Variants in DCUN1D4 observed in about 807,000 individuals in gnomAD.
DCUN1D4 encodes DCN1-like protein 4.
Under a neutral mutation model 47.9 loss-of-function variants are expected in DCUN1D4, and 22 were observed. The observed-to-expected ratio is 0.46, with a 90% CI of 0.33 to 0.66. The LOEUF (loss-of-function observed/expected upper bound fraction) is 0.66. Among genes scored for constraint, DCUN1D4 ranks in the 30% least tolerant of loss-of-function variants. The probability of loss-of-function intolerance (pLI) is 0.02; values close to 1 mark genes in which losing one functional copy is unlikely to be tolerated. For synonymous variants in DCUN1D4, 121 were observed against 112.2 expected (o/e 1.08, Z -0.50); for missense variants, 301 against 340.8 (o/e 0.88, Z 0.92).
At chr4:51,834,076 CTCTCTCTCTCT>C in the DCUN1D4 span, among the ~76,000 whole-genome samples, 11 of 97,760 alleles carry the variant, frequency 1.1e-4, no homozygotes, top group South Asian at 3.7e-4. Context: ...CTCTCTCTCT[CTCTCTCTCTCT>C]TTTCTTTTCT....
At position 51,860,594 on chromosome 4, in the gene DCUN1D4, C is replaced by A. The variant is rs574784956; in HGVS notation, c.26-2843C>A. On this transcript the variant is annotated intron_variant, in intron 1 of 10. Transcript: ENST00000334635. ...TCTGCTTGGCTTCTAGAGAGTCTTA[C>A]AATCGTGGAGGAAGGTGAATGGAGA... 191 of 455,420 alleles carry A rather than the reference C, an allele frequency of 4.2e-4. 2 individuals are homozygous for A. Among genetic ancestry groups the A allele is most frequent in the South Asian group, 2.5e-3 (159 of 64,516 alleles). The allele number at this position is 455,420 out of a possible 1,614,324, so 28.2% of individuals were successfully genotyped here.
chr4:51,888,742 A>C (rs1729947946), intron 6 of DCUN1D4, among the ~76,000 whole-genome samples: 1 of 151,658 alleles, frequency 6.6e-6, no homozygotes, highest in African/African-American at 2.4e-5. Context: ...AAAAAAAAAA[A>C]ACTCCATTTC....
At chr4:51,876,528 C>A (rs1157167300) in intron 4 of DCUN1D4, among the ~76,000 whole-genome samples, 2 of 152,060 alleles carry the variant, frequency 1.3e-5, no homozygotes, top group African/African-American at 4.8e-5. Flanking sequence ...ATGTAACAAA[C>A]CTGCACGTTG....
intron 5 of DCUN1D4, among the ~76,000 whole-genome samples, chr4:51,879,718 C>T (rs766063189): frequency 7.9e-5 from 12 of 152,184 alleles, no homozygotes; most frequent in African/African-American, 2.9e-4. Flanking sequence ...TCTTGCTTTC[C>T]TATATTGATT....
intron 4 of DCUN1D4, 63 bp from the exon 5 acceptor site, chr4:51,877,700 T>G: frequency 1.0e-6 from 1 of 983,386 alleles, no homozygotes; most frequent in East Asian, 2.4e-5. Context: ...GAATATAAAT[T>G]ATCTGCTACT....
chr4:51,865,424 C>T (rs1250224981), intron 3 of DCUN1D4: 1 of 156,454 alleles, frequency 6.4e-6, no homozygotes, highest in Non-Finnish European at 1.4e-5. Flanking sequence ...ACCCTCAGGT[C>T]AGGCCGTGGT....
rs539346327 is a variant in DCUN1D4, at chr4:51,888,278, A to G, written c.414+1640A>G. ...CTGGTATGTGAGGGATTAGCTGAGC[A>G]TTTAGTCTCAGAGGCAGAAAAGCCT... On this transcript the variant is annotated intron_variant, in intron 6 of 10. Coordinates refer to ENST00000334635, the MANE Select transcript of DCUN1D4 (RefSeq NM_001040402.3). 9.2e-5 allele frequency among the ~76,000 whole-genome samples: 14 copies of G among 152,276 alleles called. No homozygotes were observed. The South Asian group carries it at 2.3e-3, about 25-fold the overall frequency.
chr4:51,898,305 G>A lies in DCUN1D4; in HGVS notation c.507-965G>A, dbSNP rs571671479. 3.3e-4 allele frequency among the ~76,000 whole-genome samples: 51 copies of A among 152,300 alleles called. No individual in the cohort carries two copies. In the South Asian group the frequency reaches 0.01, roughly 31 times the overall value. ...TTCCCTGGATGTCAGATTGGTATGT[G>A]TGGATGTCACTCAGTCATAGTCAGG... On this transcript the variant is annotated intron_variant, in intron 7 of 10. Coordinates refer to ENST00000334635, the MANE Select transcript of DCUN1D4 (RefSeq NM_001040402.3).
chr4:51,859,637 G>GAAAAA, intron 1 of DCUN1D4, among the ~76,000 whole-genome samples: 1 of 602 alleles, frequency 1.7e-3, no homozygotes, highest in Non-Finnish European at 3.2e-3. Flanking sequence ...GTTAAAACAA[G>GAAAAA]CAAAAAAAAA....
At chr4:51,910,958 A>C (rs886202629) in intron 8 of DCUN1D4, 112 bp from the exon 9 acceptor site, 1 of 1,046,926 alleles carries the variant, frequency 9.6e-7, no homozygotes, top group Middle Eastern at 2.0e-4. Flanking sequence ...TTTAAGGTGT[A>C]TGATAAATGA....
intron 7 of DCUN1D4, among the ~76,000 whole-genome samples, chr4:51,893,410 TTTTTCTTTTC>T (rs374096991): frequency 8.6e-5 from 13 of 151,648 alleles, no homozygotes; most frequent in Non-Finnish European, 8.8e-5. Context: ...CATTGCTTCC[TTTTTCTTTTC>T]TTTTCTTTTC....
chr4:51,843,263 T>C lies in DCUN1D4; in HGVS notation c.21T>C (p.Ala7=). 6.5e-7 allele frequency: 1 copy of C among 1,541,632 alleles called. No individual in the cohort carries two copies. Among genetic ancestry groups the C allele is most frequent in the African/African-American group, 1.4e-5 (1 of 72,196 alleles). Residue 7 remains alanine, a synonymous_variant, in exon 1 of 11, where the codon GCT becomes GCC. Coordinates refer to ENST00000334635, the MANE Select transcript of DCUN1D4 (RefSeq NM_001040402.3). ...TGAAAATGCACTCGGATGCCGCCGCTGTCAGTGAGTAGCAGAGAGCCAGCC... is the reference window on the plus strand; with the variant it reads ...TGAAAATGCACTCGGATGCCGCCGCCGTCAGTGAGTAGCAGAGAGCCAGCC... MHSDAA[A]VNFQLNSHLS... is the part of the protein sequence containing the mutation.
At chr4:51,899,182 C>T (rs1273850740) in intron 7 of DCUN1D4, 88 bp from the exon 8 acceptor site, 67 of 1,398,998 alleles carry the variant, frequency 4.8e-5, no homozygotes, top group East Asian at 2.0e-4. Flanking sequence ...TTGTTCTTTC[C>T]TTTGGTATTG....
intron 7 of DCUN1D4, 26 bp downstream of exon 7, chr4:51,891,877 G>T (rs142980958): frequency 1.3e-6 from 2 of 1,557,322 alleles, no homozygotes; most frequent in East Asian, 2.3e-5. Flanking sequence ...CACTAGTGGG[G>T]GTCCCTGCCC....
rs183471317 is a variant in DCUN1D4 at position 51,915,432 on chromosome 4, A to G, written c.*1848A>G. 652 of 152,700 alleles carry G rather than the reference A, an allele frequency of 4.3e-3. 4 individuals carry two copies. The highest frequency in any genetic ancestry group is 6.8e-3 in the Middle Eastern group (2 of 294). The allele number at this position is 152,700 out of a possible 1,614,324, so 9.5% of individuals were successfully genotyped here. A position where few individuals can be genotyped will look rare whatever the true frequency, so the allele number is the denominator to read the frequency against. ...AATTAATACCAGTTTGCATAAACCA[A>G]TATCTGAAAAGAACAGGAAATGTTA... is the stretch of plus-strand genomic sequence containing the variant. On this transcript the variant is annotated 3_prime_UTR_variant, in exon 11 of 11. Coordinates refer to ENST00000334635, the MANE Select transcript of DCUN1D4 (RefSeq NM_001040402.3).
At chr4:51,911,249 T>C in intron 9 of DCUN1D4, 75 bp downstream of exon 9, 1 of 1,361,460 alleles carries the variant, frequency 7.3e-7, no homozygotes, top group Non-Finnish European at 1.0e-6. Flanking sequence ...ACCCGTTGTA[T>C]GTAATTTTTT....
In DCUN1D4 at chr4:51,860,714, A is replaced by T. The variant is rs78032575; in HGVS notation, c.26-2723A>T. The T allele has an allele frequency of 3.9e-3, 1,732 of 448,098 alleles. 16 individuals are homozygous for T. The highest frequency in any genetic ancestry group is 0.032 in the African/African-American group (1,616 of 49,952). 27.8% of individuals were successfully genotyped at this position (448,098 alleles called of 1,614,324 possible). On this transcript the variant is annotated intron_variant, in intron 1 of 10. Coordinates refer to ENST00000334635, the MANE Select transcript of DCUN1D4 (RefSeq NM_001040402.3). ...AAATGACTGAACCCCATAAGAACTC[A>T]CTCACTGTCTCAAAGACAGCACTAA...
chr4:51,871,344 A>G (rs1385188947), intron 3 of DCUN1D4, among the ~76,000 whole-genome samples: 2 of 152,220 alleles, frequency 1.3e-5, no homozygotes, highest in Admixed American at 1.3e-4. Context: ...ATGTTTGTGT[A>G]TTTGCCAAAA....
intron 7 of DCUN1D4, among the ~76,000 whole-genome samples, chr4:51,895,731 T>A (rs1486391920): frequency 6.6e-6 from 1 of 152,156 alleles, no homozygotes. Context: ...TTGATTTCTG[T>A]CCTTACAAAT....
Sources: gnomAD v4.1 joint callset for allele counts (sites outside exome capture counted in the v4.1 genomes callset) on GRCh38, gnomAD v4.1.1 for gene constraint, MANE v1.5 for transcripts, NCBI Gene and HGNC (gene_info 2026-07-23, HGNC 2026-07-21) for gene names.